Variants in SEMA5A observed in about 807,000 individuals in gnomAD.
SEMA5A encodes semaphorin 5A.
In SEMA5A, 55 loss-of-function variants were observed where a neutral mutation model predicts 135.5. That is an observed-to-expected ratio of 0.41 (90% confidence interval 0.33 to 0.51). The LOEUF is 0.51. Among genes scored for constraint, SEMA5A ranks in the 20% least tolerant of loss-of-function variants. The pLI is 0.37. For missense variants in SEMA5A, 1,290 were observed against 1,419.9 expected (o/e 0.91, Z 1.47); for synonymous variants, 580 against 546.5 (o/e 1.06, Z -0.85).
At chr5:9,110,851 T>C (rs1412540522) in intron 15 of SEMA5A, among the ~76,000 whole-genome samples, 2 of 152,126 alleles carry the variant, frequency 1.3e-5, no homozygotes, top group East Asian at 3.9e-4. Flanking sequence ...CAGGGTCCTA[T>C]TCTCAGAGCT....
intron 15 of SEMA5A, among the ~76,000 whole-genome samples, chr5:9,116,329 T>G (rs867798934): frequency 1.3e-5 from 2 of 152,238 alleles, no homozygotes; most frequent in Non-Finnish European, 2.9e-5. Context: ...TGCATCTTGA[T>G]AATATTTGCA....
At chr5:9,343,760 T>C (rs1753748186) in intron 3 of SEMA5A, among the ~76,000 whole-genome samples, 1 of 152,192 alleles carries the variant, frequency 6.6e-6, no homozygotes, top group African/African-American at 2.4e-5. Context: ...TACTATGCTG[T>C]GTCTTGCCTG....
rs1027548775 is a variant in SEMA5A, at chr5:9,396,535, A to T, written c.-77-16512T>A. Among the ~76,000 whole-genome samples the T allele has an allele frequency of 3.4e-4, 52 of 151,868 alleles. No homozygotes were observed. In the South Asian group the frequency reaches 3.8e-3, roughly 11 times the overall value. ...ACCAACCAGCCAAGCCAGAGCCCCC[A>T]CTCTCAACCATCTCCTTTATCAAAT... On this transcript the variant is annotated intron_variant, in intron 2 of 22. Coordinates refer to ENST00000382496, the MANE Select transcript of SEMA5A (RefSeq NM_003966.3).
rs34854075 is a variant in SEMA5A at position 9,412,490 on chromosome 5, C to CT, written c.-78+25265dup. 1.9e-3 allele frequency among the ~76,000 whole-genome samples: 197 copies of CT among 103,012 alleles called. 2 individuals carry two copies. The highest frequency in any genetic ancestry group is 6.6e-3 in the African/African-American group (180 of 27,192). 67.6% of individuals were successfully genotyped at this position (103,012 alleles called of 152,430 possible). A position where few individuals can be genotyped will look rare whatever the true frequency, so the allele number is the denominator to read the frequency against. ...TTGTTATTCCTCTACTACTTCATTG[C>CT]TTTTTTTTTTTTTTTTTCACATGGA... On this transcript the variant is annotated intron_variant, in intron 2 of 22. Transcript: ENST00000382496.
At chr5:9,242,389 GT>G in intron 5 of SEMA5A, among the ~76,000 whole-genome samples, 1 of 152,272 alleles carries the variant, frequency 6.6e-6, no homozygotes, top group Non-Finnish European at 1.5e-5. Context: ...TTTGTTCGAT[GT>G]TCCTCTGCCT....
At chr5:9,228,741 C>T (rs771174500) in intron 6 of SEMA5A, among the ~76,000 whole-genome samples, 1 of 152,194 alleles carries the variant, frequency 6.6e-6, no homozygotes, top group African/African-American at 2.4e-5. Flanking sequence ...CAATTGCACG[C>T]CATGGCGAAT....
At chr5:9,452,791 G>A (rs1263135912) in intron 1 of SEMA5A, among the ~76,000 whole-genome samples, 1 of 152,166 alleles carries the variant, frequency 6.6e-6, no homozygotes, top group Non-Finnish European at 1.5e-5. Context: ...CAGAGTCACT[G>A]TTCTCCTCCA....
chr5:9,437,545 T>G (rs1383178477), intron 2 of SEMA5A, among the ~76,000 whole-genome samples: 3 of 151,828 alleles, frequency 2.0e-5, no homozygotes, highest in Non-Finnish European at 2.9e-5. Flanking sequence ...TTAGTAGAGA[T>G]AGAATTTCAC....
At chr5:9,210,740 T>C (rs1365921202) in intron 8 of SEMA5A, among the ~76,000 whole-genome samples, 1 of 152,126 alleles carries the variant, frequency 6.6e-6, no homozygotes, top group Non-Finnish European at 1.5e-5. Flanking sequence ...CTGAGCCCCA[T>C]AGTGCTCATC....
intron 5 of SEMA5A, among the ~76,000 whole-genome samples, chr5:9,264,897 C>T (rs1749600841): frequency 1.3e-5 from 2 of 151,978 alleles, no homozygotes; most frequent in Non-Finnish European, 2.9e-5. Flanking sequence ...AAACATGGGG[C>T]GAGGGTGCAG....
rs371178958 is a variant in SEMA5A, at chr5:9,292,010, G to T, written c.270+26362C>A. 1.4e-4 allele frequency among the ~76,000 whole-genome samples: 22 copies of T among 152,186 alleles called. 1 individual carries two copies. The Middle Eastern group carries it at 0.021, about 142-fold the overall frequency. Reference sequence around the variant, plus strand: ...TCCCCTACCTGGGATTTGCGGTGAGGCTGCAGCCCTAGAAAGATGGCTGGC... The same window carrying T: ...TCCCCTACCTGGGATTTGCGGTGAGTCTGCAGCCCTAGAAAGATGGCTGGC... On this transcript the variant is annotated intron_variant, in intron 5 of 22. Transcript: ENST00000382496.
chr5:9,397,185 A>C (rs1366816042), intron 2 of SEMA5A, among the ~76,000 whole-genome samples: 1 of 151,964 alleles, frequency 6.6e-6, no homozygotes, highest in Non-Finnish European at 1.5e-5. Context: ...CACATAAACA[A>C]ACACACACAT....
At chr5:9,146,555 G>A (rs1023385069) in intron 12 of SEMA5A, among the ~76,000 whole-genome samples, 1 of 152,112 alleles carries the variant, frequency 6.6e-6, no homozygotes, top group Non-Finnish European at 1.5e-5. Flanking sequence ...CATTAGGTGA[G>A]GAGATTAGGT....
In SEMA5A at chr5:9,044,493, C is replaced by A; in HGVS notation, c.2985G>T (p.Arg995=). The A allele has an allele frequency of 6.2e-7, 1 of 1,613,942 alleles. No individual in the cohort carries two copies. The highest frequency in any genetic ancestry group is 8.5e-7 in the Non-Finnish European group (1 of 1,179,994). The part of the protein sequence containing the change: ...LTLLVYTYCQ[R]YQQQSHDATV... ...TCGCATCGTGGGATTGCTGCTGGTA[C>A]CGCTGGCAGTAAGTATAGACGAGCA... The change falls in exon 22 of 23, where the codon CGG becomes CGT. Residue 995 remains arginine (R), a synonymous_variant. Coordinates refer to ENST00000382496, the MANE Select transcript of SEMA5A (RefSeq NM_003966.3).
chr5:9,294,071 GA>G (rs1751213991), intron 5 of SEMA5A, among the ~76,000 whole-genome samples: 1 of 150,226 alleles, frequency 6.7e-6, no homozygotes, highest in Admixed American at 6.7e-5. Flanking sequence ...AAAGGAAAAA[GA>G]GAGACATGAA....
At chr5:9,323,121 C>T (rs1421886023) in intron 4 of SEMA5A, among the ~76,000 whole-genome samples, 2 of 152,048 alleles carry the variant, frequency 1.3e-5, no homozygotes, top group African/African-American at 2.4e-5. Flanking sequence ...CCTGCCCATA[C>T]CTAATTCTAA....
chr5:9,264,862 G>T (rs1749598497), intron 5 of SEMA5A, among the ~76,000 whole-genome samples: 1 of 152,130 alleles, frequency 6.6e-6, no homozygotes, highest in Non-Finnish European at 1.5e-5. Flanking sequence ...AAGTGTGAGG[G>T]GCTGGCTGAC....
At chr5:9,193,826 G>C (rs1013462807) in intron 10 of SEMA5A, among the ~76,000 whole-genome samples, 3 of 152,160 alleles carry the variant, frequency 2.0e-5, no homozygotes, top group Admixed American at 1.3e-4. Context: ...GAACCCAGGA[G>C]GTAGAGGTTC....
chr5:9,447,524 A>T (rs1419622545), intron 1 of SEMA5A, among the ~76,000 whole-genome samples: 1 of 152,200 alleles, frequency 6.6e-6, no homozygotes, highest in African/African-American at 2.4e-5. Context: ...AGAAGAAAAT[A>T]GCATCTCATT....
Sources: allele counts gnomAD v4.1 joint callset (sites outside exome capture counted in the v4.1 genomes callset), GRCh38; gene constraint gnomAD v4.1.1; transcripts MANE v1.5; gene names NCBI Gene and HGNC (gene_info 2026-07-23, HGNC 2026-07-21).